DNAH6: variants seen among roughly 807,000 people sequenced by gnomAD.
DNAH6 encodes the protein axonemal beta dynein heavy chain 6.
DNAH6 carries 340 observed loss-of-function variants against 491.4 expected under a neutral mutation model. That is an observed-to-expected ratio of 0.69 (90% CI 0.63 to 0.76). DNAH6 has a LOEUF of 0.76. DNAH6 is among the 30% of genes least tolerant of loss of function. The probability of loss-of-function intolerance (pLI) is 0.00; values close to 1 mark genes in which losing one functional copy is unlikely to be tolerated. For synonymous variants in DNAH6, 1,603 were observed against 1,686.1 expected (o/e 0.95, Z 1.21); for missense variants, 4,443 against 4,972.2 (o/e 0.89, Z 3.20).
the DNAH6 span, among the ~76,000 whole-genome samples, chr2:84,508,189 T>C: frequency 6.6e-6 from 1 of 152,202 alleles, no homozygotes; most frequent in Non-Finnish European, 1.5e-5. Context: ...TGTGAATCCG[T>C]CTGGTCCTGG....
chr2:84,666,012 C>A (rs543951382), intron 37 of DNAH6, among the ~76,000 whole-genome samples: 22 of 152,280 alleles, frequency 1.4e-4, no homozygotes, highest in Non-Finnish European at 2.4e-4. Context: ...ACATGATTAT[C>A]TCAATAGATG....
At chr2:84,492,914 A>G in the DNAH6 span, among the ~76,000 whole-genome samples, 1 of 152,174 alleles carries the variant, frequency 6.6e-6, no homozygotes, top group Non-Finnish European at 1.5e-5. Context: ...GCTGACAGCA[A>G]TGAGAAATTT....
intron 56 of DNAH6, among the ~76,000 whole-genome samples, chr2:84,711,691 C>T (rs544876933): frequency 6.6e-6 from 1 of 152,258 alleles, no homozygotes; most frequent in East Asian, 1.9e-4. Flanking sequence ...TCCAAGCAAC[C>T]TTGCCTGCCT....
In DNAH6 at chr2:84,705,593, A is replaced by G. The variant is rs1015242227; in HGVS notation, c.8573A>G (p.Gln2858Arg). Residue 2858 changes from glutamine to arginine, a missense_variant, in exon 52 of 77, where the codon CAA (glutamine) becomes CGA (arginine). Gln to Arg is a conservative substitution (Grantham distance 43). Transcript: ENST00000389394. ...AAGCCTCAGATATTGGCAAAGCTTCAAAAGTATATTAATAATCCTGATTTT... is the reference window on the plus strand; with the variant it reads ...AAGCCTCAGATATTGGCAAAGCTTCGAAAGTATATTAATAATCCTGATTTT... ...NIKPQILAKL[Q>R]KYINNPDFVP... The G allele has an allele frequency of 5.1e-5, 79 of 1,551,602 alleles. No homozygotes were observed. Among genetic ancestry groups the G allele is most frequent in the Non-Finnish European group, 6.7e-5 (77 of 1,146,996 alleles).
intron 75 of DNAH6, among the ~76,000 whole-genome samples, chr2:84,814,696 A>G (rs956785034): frequency 6.6e-6 from 1 of 152,194 alleles, no homozygotes; most frequent in Non-Finnish European, 1.5e-5. Context: ...TCTGACAGAC[A>G]GAAGTTTACA....
chr2:84,645,692 A>T (rs1317025069), intron 33 of DNAH6, among the ~76,000 whole-genome samples: 1 of 152,144 alleles, frequency 6.6e-6, no homozygotes, highest in African/African-American at 2.4e-5. Flanking sequence ...AAAAATATTC[A>T]CATGATGGGA....
chr2:84,813,295 G>C (rs532946651), intron 74 of DNAH6, among the ~76,000 whole-genome samples, 165 bp downstream of exon 74: 1 of 152,340 alleles, frequency 6.6e-6, no homozygotes. Flanking sequence ...GTGGGGGGCA[G>C]AGGAAAGATG....
At chr2:84,720,489 G>T (rs574678531) in intron 59 of DNAH6, among the ~76,000 whole-genome samples, 1 of 151,132 alleles carries the variant, frequency 6.6e-6, no homozygotes, top group Non-Finnish European at 1.5e-5. Context: ...CGTTTTAGCT[G>T]GGATGGTCTT....
Position 84,722,522 on chromosome 2 carries a change from T to G in DNAH6, c.9793-103T>G, listed in dbSNP as rs1222211316. On this transcript the variant is annotated intron_variant, in intron 59 of 76. Transcript: ENST00000389394. ...ACCCCTTATTATAATCACCAACTCATTCTATCCTTATTTCTTCCCTAGACC... is the reference window on the plus strand; with the variant it reads ...ACCCCTTATTATAATCACCAACTCAGTCTATCCTTATTTCTTCCCTAGACC... The G allele has an allele frequency of 8.0e-6, 8 of 998,620 alleles. No homozygotes were observed. The East Asian group carries it at 2.3e-4, about 29-fold the overall frequency. The allele number at this position is 998,620 out of a possible 1,614,324, so 61.9% of individuals were successfully genotyped here.
intron 36 of DNAH6, 33 bp downstream of exon 36, chr2:84,658,507 GA>G: frequency 7.5e-7 from 1 of 1,338,510 alleles, no homozygotes. Context: ...TATGAAGCTA[GA>G]AAAATTAGAT....
chr2:84,788,450 T>A (rs1255914451), intron 68 of DNAH6, among the ~76,000 whole-genome samples: 2 of 152,188 alleles, frequency 1.3e-5, no homozygotes, highest in South Asian at 2.1e-4. Context: ...AACTAGCATG[T>A]TGCAGGAATT....
rs748289033 is a variant in DNAH6 at position 84,814,081 on chromosome 2, A to G, written c.12109A>G (p.Lys4037Glu). The change falls in exon 75 of 77, where the codon AAG becomes GAG. Residue 4037 changes from lysine (K) to glutamate (E), a missense_variant. Around this residue, in one of 3 missense-constraint regions of DNAH6, gnomAD observed 1,463 missense variants for 1,656.6 expected, o/e 0.88. Coordinates refer to ENST00000389394, the MANE Select transcript of DNAH6 (RefSeq NM_001370.2). ...RDQAAVIEAA[K>E]TVQFGQELPM... ...TCAAGCTGCAGTGATAGAAGCTGCC[A>G]AGACAGTGCAATTTGGACAAGAACT... 3.9e-6 allele frequency: 6 copies of G among 1,551,756 alleles called. No homozygotes were observed. Among genetic ancestry groups the G allele is most frequent in the South Asian group, 2.4e-5 (2 of 84,058 alleles).
At chr2:84,732,343 A>C (rs34629660) in intron 61 of DNAH6, among the ~76,000 whole-genome samples, 7 of 152,326 alleles carry the variant, frequency 4.6e-5, no homozygotes, top group Admixed American at 3.9e-4. Context: ...ACAAATATTC[A>C]TAACAGCATT....
At chr2:84,802,015 G>A (rs528517830) in intron 70 of DNAH6, among the ~76,000 whole-genome samples, 3 of 152,234 alleles carry the variant, frequency 2.0e-5, no homozygotes, top group Non-Finnish European at 2.9e-5. Flanking sequence ...ATCACTGAGG[G>A]AATTTGGCAC....
intron 51 of DNAH6, among the ~76,000 whole-genome samples, chr2:84,704,670 G>A (rs1485349121): frequency 2.0e-5 from 3 of 152,192 alleles, no homozygotes; most frequent in Non-Finnish European, 2.9e-5. Context: ...GACCATAGGC[G>A]AGCTCAGGAA....
At chr2:84,514,262 A>G (rs1053907342), upstream of DNAH6, among the ~76,000 whole-genome samples, 4 of 152,184 alleles carry the variant, frequency 2.6e-5, no homozygotes, top group Non-Finnish European at 4.4e-5. Context: ...CTTGGGCTCA[A>G]ATTCATATAG....
rs541681805 is a variant in DNAH6 at position 84,708,644 on chromosome 2, AAG to A, written c.9049-693_9049-692del. ...GGGAGATAGAGGAGAGGAAGAAAGAAAGAGAGAAAGAAAGAAAGAGCCTTTCA... is the reference window on the plus strand; with the variant it reads ...GGGAGATAGAGGAGAGGAAGAAAGAAAGAGAAAGAAAGAAAGAGCCTTTCA... On this transcript the variant is annotated intron_variant, in intron 54 of 76. Coordinates refer to ENST00000389394, the MANE Select transcript of DNAH6 (RefSeq NM_001370.2). Among the ~76,000 whole-genome samples the A allele has an allele frequency of 7.9e-5, 12 of 152,116 alleles. No homozygotes were observed. In the South Asian group the frequency reaches 8.3e-4, roughly 11 times the overall value.
In DNAH6 at chr2:84,634,657, A is replaced by T; in HGVS notation, c.4653+16A>T. 1 of 1,494,440 alleles carries T rather than the reference A, an allele frequency of 6.7e-7. No homozygotes were observed. The highest frequency in any genetic ancestry group is 8.9e-7 in the Non-Finnish European group (1 of 1,123,302). 92.6% of individuals were successfully genotyped at this position (1,494,440 alleles called of 1,614,324 possible). Reference sequence around the variant, plus strand: ...AGCGGCAAAGGTAAGGCACTGGGCAATCGACTTTCAAGGTAGCAATCCTTA... The same window carrying T: ...AGCGGCAAAGGTAAGGCACTGGGCATTCGACTTTCAAGGTAGCAATCCTTA... On this transcript the variant is annotated intron_variant, in intron 30 of 76. Transcript: ENST00000389394.
intron 46 of DNAH6, among the ~76,000 whole-genome samples, chr2:84,694,969 G>A (rs533106867): frequency 6.6e-6 from 1 of 151,720 alleles, no homozygotes; most frequent in African/African-American, 2.4e-5. Flanking sequence ...ATTATTCTTG[G>A]GTATTTTTTC....
Sources: allele counts gnomAD v4.1 joint callset (sites outside exome capture counted in the v4.1 genomes callset), GRCh38; gene constraint gnomAD v4.1.1; regional missense constraint gnomAD v4.1.1; transcripts MANE v1.5; gene names NCBI Gene and HGNC (gene_info 2026-07-23, HGNC 2026-07-21).